ATAD2B: variants seen among roughly 807,000 people sequenced by gnomAD.
The protein encoded by ATAD2B is ATPase family AAA domain containing 2B.
ATAD2B carries 40 observed loss-of-function variants against 167.6 expected under a neutral mutation model. The ratio of observed to expected loss-of-function variants is 0.24; its 90% CI spans 0.19 to 0.31. The LOEUF is 0.31. Ranked by LOEUF, ATAD2B falls within the 10% of genes least tolerant of loss-of-function variation. The pLI is 1.00. For missense variants in ATAD2B, 1,242 were observed against 1,757.2 expected, an observed-to-expected ratio of 0.71 and a Z score of 5.24; for synonymous variants, 579 against 596.5, an observed-to-expected ratio of 0.97 and a Z score of 0.43.
the ATAD2B span, among the ~76,000 whole-genome samples, chr2:23,725,415 T>C: frequency 2.0e-5 from 3 of 152,238 alleles, no homozygotes; most frequent in Admixed American, 6.5e-5. Flanking sequence ...GATTATGTCT[T>C]ACCCTTTAAG....
chr2:23,792,232 A>T (rs754056913), intron 19 of ATAD2B, among the ~76,000 whole-genome samples: 1 of 151,980 alleles, frequency 6.6e-6, no homozygotes, highest in Admixed American at 6.6e-5. Context: ...TATTTTTAGT[A>T]GAGACGGGGT....
intron 6 of ATAD2B, 80 bp downstream of exon 6, chr2:23,884,685 T>C: frequency 1.4e-6 from 1 of 727,222 alleles, no homozygotes; most frequent in Non-Finnish European, 2.2e-6. Flanking sequence ...TCAGCAACAT[T>C]CTACATATAT....
chr2:23,794,386 T>C (rs927059808), intron 19 of ATAD2B, among the ~76,000 whole-genome samples: 1 of 152,254 alleles, frequency 6.6e-6, no homozygotes, highest in Admixed American at 6.5e-5. Flanking sequence ...TTTCTGCTTC[T>C]GTATTCAATC....
chr2:23,818,273 G>A lies in ATAD2B; in HGVS notation c.2267+1474C>T, dbSNP rs543465295. Among the ~76,000 whole-genome samples the A allele has an allele frequency of 2.1e-3, 260 of 120,996 alleles. 3 individuals carry two copies. The highest frequency in any genetic ancestry group is 7.8e-3 in the African/African-American group (253 of 32,636). The allele number at this position is 120,996 out of a possible 152,430, so 79.4% of individuals were successfully genotyped here. On this transcript the variant is annotated intron_variant, in intron 17 of 27. Coordinates refer to ENST00000238789, the MANE Select transcript of ATAD2B (RefSeq NM_017552.4). ...AAGAAGAGAGGGAGACGGAGGGAGGGAGGGAAGAAGAGAGGGAGGGGGGAG... is the reference window on the plus strand; with the variant it reads ...AAGAAGAGAGGGAGACGGAGGGAGGAAGGGAAGAAGAGAGGGAGGGGGGAG...
chr2:23,785,620 T>C (rs1680702563), intron 21 of ATAD2B: 1 of 153,876 alleles, frequency 6.5e-6, no homozygotes, highest in African/African-American at 2.4e-5. Context: ...TTCAGGTTTT[T>C]AGCTACCTCT....
the ATAD2B span, among the ~76,000 whole-genome samples, chr2:23,722,215 T>G: frequency 2.8e-4 from 43 of 151,854 alleles, no homozygotes; most frequent in African/African-American, 9.9e-4. Context: ...ACATGTAACC[T>G]CCAAAGAAAA....
At chr2:23,911,976 C>CA (rs1160482347) in intron 1 of ATAD2B, among the ~76,000 whole-genome samples, 1,826 of 62,948 alleles carry the variant, frequency 0.029, 23 homozygotes, top group Middle Eastern at 0.11. Context: ...GATTCCATCT[C>CA]AAAAAAAAAA....
intron 8 of ATAD2B, chr2:23,872,204 T>C (rs956720553): frequency 3.1e-5 from 10 of 323,008 alleles, no homozygotes; most frequent in African/African-American, 1.3e-4. Context: ...TGTTTTTAGA[T>C]AGAAGGTCTC....
chr2:23,706,273 T>C, the ATAD2B span, among the ~76,000 whole-genome samples: 1 of 152,104 alleles, frequency 6.6e-6, no homozygotes, highest in Admixed American at 6.5e-5. Context: ...GCTCGCAGGG[T>C]GGCATAGCAC....
At chr2:23,815,659 C>T (rs1001397357) in intron 17 of ATAD2B, among the ~76,000 whole-genome samples, 2 of 151,958 alleles carry the variant, frequency 1.3e-5, no homozygotes, top group African/African-American at 4.8e-5. Context: ...ATTAATAAAC[C>T]AAAAATTAAT....
At chr2:23,740,115 C>A in the ATAD2B span, among the ~76,000 whole-genome samples, 4 of 152,158 alleles carry the variant, frequency 2.6e-5, no homozygotes, top group Non-Finnish European at 1.5e-5. Flanking sequence ...CGAATTCTAC[C>A]AGAGGTACAA....
At chr2:23,892,999 T>C (rs1446650897) in intron 2 of ATAD2B, among the ~76,000 whole-genome samples, 1 of 152,158 alleles carries the variant, frequency 6.6e-6, no homozygotes, top group Non-Finnish European at 1.5e-5. Context: ...AACTATATAT[T>C]AAAAAATATT....
intron 22 of ATAD2B, among the ~76,000 whole-genome samples, chr2:23,776,328 T>C (rs1679126735): frequency 6.6e-6 from 1 of 152,218 alleles, no homozygotes; most frequent in Admixed American, 6.5e-5. Flanking sequence ...CTAAGACCTC[T>C]ATATTTAATC....
At chr2:23,811,923 T>C (rs1300999119) in intron 17 of ATAD2B, among the ~76,000 whole-genome samples, 1 of 152,012 alleles carries the variant, frequency 6.6e-6, no homozygotes, top group Non-Finnish European at 1.5e-5. Flanking sequence ...AAACTAACTG[T>C]TACTACCCTG....
At chr2:23,746,633 G>C (rs1674897837), downstream of ATAD2B, among the ~76,000 whole-genome samples, 1 of 152,160 alleles carries the variant, frequency 6.6e-6, no homozygotes, top group Non-Finnish European at 1.5e-5. Flanking sequence ...TGGAGAAAGG[G>C]TGATAGGTAT....
chr2:23,790,870 T>C (rs1393721501), intron 19 of ATAD2B, among the ~76,000 whole-genome samples: 2 of 152,328 alleles, frequency 1.3e-5, no homozygotes, highest in South Asian at 2.1e-4. Flanking sequence ...TAATGTTCAG[T>C]AAATTTTTAC....
chr2:23,696,671 G>C, the ATAD2B span: 1 of 587,260 alleles, frequency 1.7e-6, no homozygotes, highest in Non-Finnish European at 3.0e-6. This position sits in a 1 kb window ranked among gnomAD's most constrained non-coding sequence, Gnocchi z 5.5. Flanking sequence ...TCACAGCACC[G>C]GGGGCAGCAG....
intron 4 of ATAD2B, 130 bp downstream of exon 4, chr2:23,887,702 C>T: frequency 3.9e-6 from 3 of 765,086 alleles, no homozygotes; most frequent in Non-Finnish European, 6.0e-6. Context: ...ACCCACCACA[C>T]CCAGCTTCAA....
Position 23,872,769 on chromosome 2 carries a change from C to G in ATAD2B, c.978-3008G>C, listed in dbSNP as rs573332197. 132 of 936,162 alleles carry G rather than the reference C, an allele frequency of 1.4e-4. No individual in the cohort carries two copies. The African/African-American group carries it at 2.0e-3, about 14-fold the overall frequency. The allele number at this position is 936,162 out of a possible 1,614,324, so 58.0% of individuals were successfully genotyped here. ...TCACTGAGGCACCAAGTCCTCACTACAGGCAACCACATCTGATCAATGGCA... is the reference window on the plus strand; with the variant it reads ...TCACTGAGGCACCAAGTCCTCACTAGAGGCAACCACATCTGATCAATGGCA... On this transcript the variant is annotated intron_variant, in intron 8 of 27. Coordinates refer to ENST00000238789, the MANE Select transcript of ATAD2B (RefSeq NM_017552.4).
Sources: gnomAD v4.1 joint callset for allele counts (sites outside exome capture counted in the v4.1 genomes callset) on GRCh38, gnomAD v4.1.1 for gene constraint, Gnocchi (gnomAD v3.1) non-coding constraint, MANE v1.5 for transcripts, NCBI Gene and HGNC (gene_info 2026-07-23, HGNC 2026-07-21) for gene names.